Variants in SPAG16 observed in about 807,000 individuals in gnomAD.
SPAG16 encodes the protein sperm associated antigen 16.
SPAG16 carries 86 observed loss-of-function variants against 80.4 expected under a neutral mutation model. That is an observed-to-expected ratio of 1.07 (90% CI 0.90 to 1.28). SPAG16 has a LOEUF of 1.28. SPAG16 is among the 50% of genes most tolerant of loss of function. The pLI is 0.00. For synonymous variants in SPAG16, 294 were observed against 265.9 expected, an observed-to-expected ratio of 1.11 and a Z score of -1.03; for missense variants, 870 against 765.3, an observed-to-expected ratio of 1.14 and a Z score of -1.61.
chr2:213,322,874 G>T (rs936728537), intron 5 of SPAG16, among the ~76,000 whole-genome samples: 4 of 152,124 alleles, frequency 2.6e-5, no homozygotes, highest in African/African-American at 9.7e-5. Context: ...GAGGAAAAAG[G>T]AAGTATAAAG....
chr2:214,404,716 A>T (rs972433476), intron 15 of SPAG16, among the ~76,000 whole-genome samples: 10 of 152,146 alleles, frequency 6.6e-5, no homozygotes, highest in African/African-American at 2.2e-4. Context: ...CTTGGATTGA[A>T]GGTGGAGAGG....
chr2:213,559,508 A>G (rs1270587452), intron 10 of SPAG16, among the ~76,000 whole-genome samples: 6 of 152,158 alleles, frequency 3.9e-5, no homozygotes, highest in African/African-American at 1.4e-4. Context: ...TATCTAACTT[A>G]CCTACAGATT....
At chr2:213,511,602 C>T (rs1380983893) in intron 10 of SPAG16, among the ~76,000 whole-genome samples, 1 of 151,878 alleles carries the variant, frequency 6.6e-6, no homozygotes, top group Admixed American at 6.6e-5. Context: ...CTAGAAAGGG[C>T]CTTTGTGCTT....
intron 11 of SPAG16, among the ~76,000 whole-genome samples, chr2:213,863,207 G>C (rs778180651): frequency 2.4e-4 from 37 of 151,912 alleles, no homozygotes; most frequent in Admixed American, 3.9e-4. Flanking sequence ...ACTGCCCATA[G>C]TTCCTTGTGG....
Position 214,378,439 on chromosome 2 carries a change from C to CTCTA in SPAG16, c.1721-31697_1721-31694dup, listed in dbSNP as rs1288573513. ...ATCAGTGATGCCACTTAATTTCTGT[C>CTCTA]TCTATCTCTGCCCTGTATTTCTGTT... On this transcript the variant is annotated intron_variant, in intron 15 of 15. Transcript: ENST00000331683. 9.8e-5 allele frequency among the ~76,000 whole-genome samples: 15 copies of CTCTA among 152,330 alleles called. 1 individual carries two copies. Among genetic ancestry groups the CTCTA allele is most frequent in the South Asian group, 2.1e-4 (1 of 4,828 alleles).
chr2:213,508,456 C>T (rs2075065139), intron 10 of SPAG16, among the ~76,000 whole-genome samples: 1 of 152,118 alleles, frequency 6.6e-6, no homozygotes, highest in Admixed American at 6.5e-5. Context: ...CCTGTAGTCC[C>T]AGCTACTGGG....
intron 14 of SPAG16, among the ~76,000 whole-genome samples, chr2:214,144,058 T>C (rs1187803944): frequency 6.6e-6 from 1 of 152,084 alleles, no homozygotes; most frequent in Non-Finnish European, 1.5e-5. Flanking sequence ...CTTGGGAGGC[T>C]GACGTGGAAG....
intron 15 of SPAG16, among the ~76,000 whole-genome samples, chr2:214,196,171 T>A (rs1038740111): frequency 6.6e-6 from 1 of 152,036 alleles, no homozygotes; most frequent in Non-Finnish European, 1.5e-5. Flanking sequence ...GGTGGAGATA[T>A]AGGACAGAAG....
chr2:213,555,531 G>A (rs1407949403), intron 10 of SPAG16, among the ~76,000 whole-genome samples: 1 of 152,180 alleles, frequency 6.6e-6, no homozygotes, highest in African/African-American at 2.4e-5. Flanking sequence ...GAAGAACTGT[G>A]AGTCAATTAA....
intron 15 of SPAG16, among the ~76,000 whole-genome samples, chr2:214,357,860 G>A (rs1319411231): frequency 6.6e-6 from 1 of 151,842 alleles, no homozygotes; most frequent in Non-Finnish European, 1.5e-5. Context: ...GGTATCTAGG[G>A]ATGTTTGGAT....
chr2:213,573,985 A>T (rs1402669735), intron 10 of SPAG16, among the ~76,000 whole-genome samples: 2 of 152,224 alleles, frequency 1.3e-5, no homozygotes, highest in Non-Finnish European at 2.9e-5. Flanking sequence ...GTCTGAGATT[A>T]TATTAATACA....
At chr2:213,304,784 T>C (rs2062874308) in intron 3 of SPAG16, among the ~76,000 whole-genome samples, 1 of 152,206 alleles carries the variant, frequency 6.6e-6, no homozygotes, top group African/African-American at 2.4e-5. Context: ...AGCTCTGTAG[T>C]ATAATTTGAT....
At chr2:213,535,379 A>G (rs1042198851) in intron 10 of SPAG16, among the ~76,000 whole-genome samples, 2 of 152,144 alleles carry the variant, frequency 1.3e-5, no homozygotes, top group African/African-American at 4.8e-5. Context: ...AGTGTAGTAG[A>G]CACAATGGGA....
intron 15 of SPAG16, among the ~76,000 whole-genome samples, chr2:214,407,050 T>C (rs886398850): frequency 6.6e-6 from 1 of 152,088 alleles, no homozygotes; most frequent in South Asian, 2.1e-4. Context: ...TCCTTATAAC[T>C]TGAATGTTAA....
At chr2:213,945,818 T>G (rs1212848471) in intron 12 of SPAG16, among the ~76,000 whole-genome samples, 1 of 152,152 alleles carries the variant, frequency 6.6e-6, no homozygotes, top group Non-Finnish European at 1.5e-5. Context: ...CCTCCAGAAC[T>G]GTGAGAAATA....
intron 10 of SPAG16, among the ~76,000 whole-genome samples, chr2:213,776,877 T>C (rs2125568809): frequency 7.9e-6 from 1 of 126,820 alleles, no homozygotes; most frequent in Admixed American, 1.0e-4. Flanking sequence ...AACACATACA[T>C]GTTCTTAATA....
chr2:213,356,431 G>A (rs2264470), intron 7 of SPAG16, among the ~76,000 whole-genome samples: 1 of 152,148 alleles, frequency 6.6e-6, no homozygotes, highest in African/African-American at 2.4e-5. Context: ...CAGAGCCTGT[G>A]ATTGGTCAAT....
intron 11 of SPAG16, among the ~76,000 whole-genome samples, chr2:213,910,842 T>A (rs537193272): frequency 6.6e-6 from 1 of 152,316 alleles, no homozygotes; most frequent in East Asian, 1.9e-4. Context: ...TCAACCAGAA[T>A]TTATTATCCA....
chr2:214,186,597 A>G (rs1248010697), intron 15 of SPAG16, among the ~76,000 whole-genome samples: 3 of 152,118 alleles, frequency 2.0e-5, no homozygotes, highest in South Asian at 2.1e-4. Flanking sequence ...ATAACATGAC[A>G]TAAGTGTTCT....
Sources: allele counts gnomAD v4.1 joint callset (sites outside exome capture counted in the v4.1 genomes callset), GRCh38; gene constraint gnomAD v4.1.1; transcripts MANE v1.5; gene names NCBI Gene and HGNC (gene_info 2026-07-23, HGNC 2026-07-21).